Variants in FAT3 observed in about 807,000 individuals in gnomAD.
FAT3 encodes protocadherin Fat 3.
FAT3 carries 95 observed loss-of-function variants against 310.2 expected under a neutral mutation model. That is an observed-to-expected ratio of 0.31 (90% CI 0.26 to 0.36). The LOEUF is 0.36. FAT3 is among the 10% of genes least tolerant of loss of function. The pLI is 1.00. For missense variants in FAT3, 5,408 were observed against 5,715.6 expected, an observed-to-expected ratio of 0.95 and a Z score of 1.74; for synonymous variants, 2,314 against 2,192.9, an observed-to-expected ratio of 1.06 and a Z score of -1.54.
At chr11:92,767,896 C>A (rs1257670841) in intron 6 of FAT3, among the ~76,000 whole-genome samples, 1 of 152,124 alleles carries the variant, frequency 6.6e-6, no homozygotes, top group Non-Finnish European at 1.5e-5. Flanking sequence ...CCTACTGATG[C>A]CTCCTGGAAC....
chr11:92,758,993 T>A (rs1454129253), intron 4 of FAT3, among the ~76,000 whole-genome samples: 1 of 152,166 alleles, frequency 6.6e-6, no homozygotes, highest in East Asian at 1.9e-4. Flanking sequence ...AGAAAGTAGA[T>A]TACTAGTAAA....
At chr11:92,421,586 T>C (rs1407954413) in intron 2 of FAT3, among the ~76,000 whole-genome samples, 1 of 152,230 alleles carries the variant, frequency 6.6e-6, no homozygotes, top group Non-Finnish European at 1.5e-5. Flanking sequence ...TTTAGAGATC[T>C]TACATTTTTG....
At position 92,386,852 on chromosome 11, in the gene FAT3, G is replaced by A. The variant is rs915746306; in HGVS notation, c.3292+31448G>A. 3.3e-5 allele frequency among the ~76,000 whole-genome samples: 5 copies of A among 152,306 alleles called. No homozygotes were observed. In the East Asian group the frequency reaches 5.8e-4, roughly 18 times the overall value. On this transcript the variant is annotated intron_variant, in intron 2 of 27. Coordinates refer to ENST00000525166, the MANE Select transcript of FAT3 (RefSeq NM_001367949.2). Reference sequence around the variant, plus strand: ...ACCGGATCCTACATCATCCCACCACGTAAGTGGACTATATCATGCCTTCAT... The same window carrying A: ...ACCGGATCCTACATCATCCCACCACATAAGTGGACTATATCATGCCTTCAT...
At chr11:92,496,165 A>G (rs1024834252) in intron 2 of FAT3, among the ~76,000 whole-genome samples, 2 of 152,164 alleles carry the variant, frequency 1.3e-5, no homozygotes, top group Admixed American at 6.5e-5. Context: ...CGAATGGACA[A>G]TTAATACAAG....
intron 3 of FAT3, among the ~76,000 whole-genome samples, chr11:92,643,127 T>G (rs553197299): frequency 6.6e-6 from 1 of 152,354 alleles, no homozygotes; most frequent in African/African-American, 2.4e-5. Flanking sequence ...GGAGCTCATG[T>G]GGACCAAGCT....
intron 9 of FAT3, among the ~76,000 whole-genome samples, chr11:92,794,103 G>C (rs1452888022): frequency 6.6e-6 from 1 of 151,976 alleles, no homozygotes; most frequent in East Asian, 1.9e-4. Flanking sequence ...TTTTTTTCTA[G>C]GTTTCCATGG....
chr11:92,853,556 G>T (rs1948888158), intron 19 of FAT3, among the ~76,000 whole-genome samples: 1 of 152,150 alleles, frequency 6.6e-6, no homozygotes, highest in Non-Finnish European at 1.5e-5. Flanking sequence ...TTTGTCCTGT[G>T]TCCAGGAAGA....
chr11:92,226,117 G>A (rs748784582), intron 1 of FAT3, among the ~76,000 whole-genome samples: 2 of 152,234 alleles, frequency 1.3e-5, no homozygotes, highest in Admixed American at 6.5e-5. Flanking sequence ...AGGGGGCTGA[G>A]GGGCGCTGGC....
At chr11:92,478,393 G>C (rs1450906104) in intron 2 of FAT3, among the ~76,000 whole-genome samples, 1 of 152,082 alleles carries the variant, frequency 6.6e-6, no homozygotes, top group African/African-American at 2.4e-5. Flanking sequence ...ATGAAGCTTG[G>C]TGTCCATCTC....
rs531760483 is a variant in FAT3 at position 92,352,374 on chromosome 11, G to A, written c.262G>A (p.Glu88Lys). The A allele has an allele frequency of 1.1e-5, 18 of 1,607,212 alleles. No homozygotes were observed. The highest frequency in any genetic ancestry group is 4.5e-5 in the East Asian group (2 of 44,446). Residue 88 changes from glutamate (E) to lysine (K), a missense_variant, in exon 2 of 28, where the codon GAG (glutamate) becomes AAG (lysine). By Grantham distance (56) the Glu-to-Lys change is moderately conservative (BLOSUM62 1). Coordinates refer to ENST00000525166, the MANE Select transcript of FAT3 (RefSeq NM_001367949.2). The part of the protein sequence containing the change: ...DIKYRIVSGD[E>K]EGFFKAEEVI... ...CAAATACAGAATAGTGTCCGGAGAC[G>A]AGGAAGGCTTTTTCAAAGCAGAGGA...
At chr11:92,733,952 A>G (rs1417587600) in intron 4 of FAT3, among the ~76,000 whole-genome samples, 1 of 152,204 alleles carries the variant, frequency 6.6e-6, no homozygotes, top group East Asian at 1.9e-4. Flanking sequence ...CAGTGCTTTT[A>G]AGTACACTTT....
At chr11:92,334,517 A>G (rs182608688) in intron 1 of FAT3, among the ~76,000 whole-genome samples, 3 of 151,874 alleles carry the variant, frequency 2.0e-5, no homozygotes, top group African/African-American at 7.2e-5. Context: ...TCCATTTTAT[A>G]CCTTCTACAA....
At chr11:92,613,475 C>A (rs753050702) in intron 3 of FAT3, among the ~76,000 whole-genome samples, 1 of 152,056 alleles carries the variant, frequency 6.6e-6, no homozygotes, top group African/African-American at 2.4e-5. Flanking sequence ...GTGATTAGAA[C>A]GAAAACTGGT....
chr11:92,427,086 C>T (rs1950651754), intron 2 of FAT3, among the ~76,000 whole-genome samples: 1 of 152,086 alleles, frequency 6.6e-6, no homozygotes, highest in African/African-American at 2.4e-5. Flanking sequence ...TGAAGAGATC[C>T]TTCTCATCCC....
At chr11:92,804,565 G>A (rs1450813176) in intron 10 of FAT3, among the ~76,000 whole-genome samples, 1 of 152,096 alleles carries the variant, frequency 6.6e-6, no homozygotes, top group African/African-American at 2.4e-5. Context: ...TAATTGCAGT[G>A]CTTATCTTTG....
At chr11:92,772,557 T>G (rs1218379746) in intron 6 of FAT3, among the ~76,000 whole-genome samples, 1 of 152,146 alleles carries the variant, frequency 6.6e-6, no homozygotes, top group Non-Finnish European at 1.5e-5. Flanking sequence ...GGAGTTAATA[T>G]TTAGTGCTCC....
In FAT3 at chr11:92,883,081, T is replaced by C. The variant is rs2136413523; in HGVS notation, c.12625T>C (p.Phe4209Leu). The change falls in exon 24 of 28, where the codon TTC (phenylalanine) becomes CTC (leucine). Residue 4209 changes from phenylalanine (F) to leucine (L), a missense_variant. Phe to Leu is a conservative substitution (Grantham distance 22, BLOSUM62 0). Transcript: ENST00000525166. The surrounding 1 kb of genome is among the most constrained non-coding windows in gnomAD (Gnocchi z 4.2). ...GCTTAACAAGAGCAATGGCATCCCG[T>C]TCCGGAACCTGCGCGGCAGTGGGGA... ...ALLNKSNGIP[F>L]RNLRGSGDGR... 1 of 1,613,862 alleles carries C rather than the reference T, an allele frequency of 6.2e-7. No individual in the cohort carries two copies. Among genetic ancestry groups the C allele is most frequent in the Non-Finnish European group, 8.5e-7 (1 of 1,179,888 alleles).
At chr11:92,549,003 C>A (rs933389720) in intron 3 of FAT3, among the ~76,000 whole-genome samples, 21 of 152,112 alleles carry the variant, frequency 1.4e-4, no homozygotes, top group African/African-American at 4.6e-4. Flanking sequence ...TGATTAAAAG[C>A]AGAAAACCTG....
At chr11:92,819,319 G>C (rs1161266795) in intron 13 of FAT3, among the ~76,000 whole-genome samples, 2 of 152,192 alleles carry the variant, frequency 1.3e-5, no homozygotes, top group African/African-American at 4.8e-5. Flanking sequence ...TAAGACTCTA[G>C]ATCAGTGGTT....
Sources: allele counts gnomAD v4.1 joint callset (sites outside exome capture counted in the v4.1 genomes callset), GRCh38; gene constraint gnomAD v4.1.1; non-coding constraint Gnocchi (gnomAD v3.1); transcripts MANE v1.5; gene names NCBI Gene and HGNC (gene_info 2026-07-23, HGNC 2026-07-21).